Variants in KIAA1549L observed in about 807,000 individuals in gnomAD.
The protein encoded by KIAA1549L is KIAA1549 like, also known as UPF0606 protein KIAA1549L.
Under a neutral mutation model 160.7 loss-of-function variants are expected in KIAA1549L, and 88 were observed. That is an observed-to-expected ratio of 0.55 (90% CI 0.46 to 0.65). The LOEUF (loss-of-function observed/expected upper bound fraction) is 0.65, where lower values mean the gene tolerates loss of function less well. KIAA1549L is among the 30% of genes least tolerant of loss of function. KIAA1549L has a pLI of 0.00. For synonymous variants in KIAA1549L, 950 were observed against 976.7 expected, an observed-to-expected ratio of 0.97 and a Z score of 0.51; for missense variants, 2,258 against 2,437.5, an observed-to-expected ratio of 0.93 and a Z score of 1.55.
At chr11:33,405,320 G>A (rs1850622175) in intron 1 of KIAA1549L, among the ~76,000 whole-genome samples, 1 of 152,002 alleles carries the variant, frequency 6.6e-6, no homozygotes, top group African/African-American at 2.4e-5. Context: ...AACCAAATTA[G>A]GTTTGTGGGA....
chr11:33,614,570 A>C lies in KIAA1549L; in HGVS notation c.5280-3963A>C, dbSNP rs868246431. Among the ~76,000 whole-genome samples, 49 of 15,024 alleles carry C rather than the reference A, an allele frequency of 3.3e-3. 7 individuals carry two copies. Among genetic ancestry groups the C allele is most frequent in the African/African-American group, 0.028 (36 of 1,286 alleles). The allele number at this position is 15,024 out of a possible 152,430, so 9.9% of individuals were successfully genotyped here. A position where few individuals can be genotyped will look rare whatever the true frequency, so the allele number is the denominator to read the frequency against. On this transcript the variant is annotated intron_variant, in intron 15 of 20. Coordinates refer to ENST00000658780, the MANE Select transcript of KIAA1549L (RefSeq NM_012194.3). ...TATATATATATATATATATATATAT[A>C]TATATATATATATATTTTTTTTTTT...
intron 6 of KIAA1549L, among the ~76,000 whole-genome samples, chr11:33,554,880 CT>C (rs778144929): frequency 6.6e-6 from 1 of 152,160 alleles, no homozygotes; most frequent in East Asian, 1.9e-4. Flanking sequence ...TATAGGTCTT[CT>C]TAGCTAAATG....
At chr11:33,404,960 A>G (rs987532694) in intron 1 of KIAA1549L, among the ~76,000 whole-genome samples, 2 of 148,184 alleles carry the variant, frequency 1.3e-5, no homozygotes, top group African/African-American at 5.0e-5. Context: ...GTGAGCCAAG[A>G]TCGCACCACT....
chr11:33,534,747 T>G (rs1017405963), intron 1 of KIAA1549L, among the ~76,000 whole-genome samples: 4 of 152,208 alleles, frequency 2.6e-5, no homozygotes, highest in African/African-American at 9.7e-5. Flanking sequence ...TGACTCATTC[T>G]CTATGATGTT....
intron 11 of KIAA1549L, among the ~76,000 whole-genome samples, chr11:33,587,936 C>T (rs1430263247): frequency 6.6e-6 from 1 of 152,136 alleles, no homozygotes; most frequent in Non-Finnish European, 1.5e-5. Flanking sequence ...TAGGAAGCTG[C>T]AGAAGGAAAG....
intron 2 of KIAA1549L, 66 bp from the exon 3 acceptor site, chr11:33,544,701 A>C: frequency 6.6e-7 from 1 of 1,525,062 alleles, no homozygotes; most frequent in Non-Finnish European, 8.8e-7. Flanking sequence ...ACATCCATTC[A>C]TCATCAGAAC....
At chr11:33,635,786 C>T (rs1469530524) in intron 16 of KIAA1549L, among the ~76,000 whole-genome samples, 2 of 152,176 alleles carry the variant, frequency 1.3e-5, no homozygotes, top group Non-Finnish European at 2.9e-5. Flanking sequence ...TTTTAACACT[C>T]ATTTATTCAG....
At chr11:33,489,022 A>C (rs1236756140) in intron 1 of KIAA1549L, among the ~76,000 whole-genome samples, 3 of 152,232 alleles carry the variant, frequency 2.0e-5, no homozygotes, top group African/African-American at 7.2e-5. Flanking sequence ...TGTGAGGTAA[A>C]CTGTGAAAAA....
intron 1 of KIAA1549L, among the ~76,000 whole-genome samples, chr11:33,521,712 A>G (rs1246618137): frequency 2.6e-5 from 4 of 152,198 alleles, no homozygotes. Flanking sequence ...TTAGACAAGA[A>G]AGTTCTCTGG....
intron 1 of KIAA1549L, among the ~76,000 whole-genome samples, chr11:33,405,776 AG>A (rs1684470650): frequency 7.9e-6 from 1 of 126,906 alleles, no homozygotes; most frequent in African/African-American, 3.0e-5. Flanking sequence ...CAGGAGGTGG[AG>A]GTTGCAGTGA....
rs760266278 is a variant in KIAA1549L, at chr11:33,542,541, C to T, written c.978C>T (p.Ser326=). 1.5e-5 allele frequency: 24 copies of T among 1,613,880 alleles called. No homozygotes were observed. The highest frequency in any genetic ancestry group is 1.1e-4 in the South Asian group (10 of 91,086). The change falls in exon 2 of 21, where the codon TCC becomes TCT. Residue 326 remains serine (S), a synonymous_variant. Transcript: ENST00000658780. The stretch of plus-strand genomic sequence containing the variant: ...CTGGATCCTCAACAAAATGGCATTC[C>T]GAGCTGTCCCCAACAGAGGGTCCCC... The part of the protein sequence containing the change: ...GVSGSSTKWH[S]ELSPTEGPHS...
intron 1 of KIAA1549L, among the ~76,000 whole-genome samples, chr11:33,537,863 G>A (rs1324404027): frequency 6.6e-6 from 1 of 152,086 alleles, no homozygotes; most frequent in Non-Finnish European, 1.5e-5. Context: ...TTTGAATTTT[G>A]CATTCTACTC....
rs1341349880 is a variant in KIAA1549L at position 33,658,794 on chromosome 11, C to G, written c.5903C>G (p.Thr1968Arg). The G allele has an allele frequency of 3.8e-6, 6 of 1,568,918 alleles. No homozygotes were observed. Among genetic ancestry groups the G allele is most frequent in the Non-Finnish European group, 5.2e-6 (6 of 1,157,732 alleles). The stretch of plus-strand genomic sequence containing the variant: ...AGCAAGACCAGAATGGCCGAGTCTA[C>G]AGGGCCCGAGCCGGCCCAGCTGCAC... ...IGSKTRMAESTGPEPAQLHDS... is the reference protein window; with the variant it reads ...IGSKTRMAESRGPEPAQLHDS... Residue 1968 changes from threonine to arginine, a missense_variant, in exon 19 of 21, where the codon ACA becomes AGA. Transcript: ENST00000658780.
chr11:33,379,276 C>G (rs1371948683), intron 1 of KIAA1549L, among the ~76,000 whole-genome samples: 1 of 152,154 alleles, frequency 6.6e-6, no homozygotes, highest in Admixed American at 6.5e-5. Flanking sequence ...TGTTCCCAGT[C>G]TACTTCCACC....
At chr11:33,563,348 CAAAAAAAAAA>C (rs68027285) in intron 8 of KIAA1549L, among the ~76,000 whole-genome samples, 1 of 95,944 alleles carries the variant, frequency 1.0e-5, no homozygotes, top group African/African-American at 4.5e-5. Flanking sequence ...GACCGTGTCT[CAAAAAAAAAA>C]AAAAAAAAAA....
intron 1 of KIAA1549L, among the ~76,000 whole-genome samples, chr11:33,510,972 G>T (rs1025264784): frequency 9.2e-5 from 14 of 152,246 alleles, no homozygotes; most frequent in Admixed American, 1.3e-4. Flanking sequence ...CCCACTCAGG[G>T]AGGTCAGCAT....
chr11:33,478,159 T>A (rs2133041695), intron 1 of KIAA1549L, among the ~76,000 whole-genome samples: 1 of 152,338 alleles, frequency 6.6e-6, no homozygotes, highest in Admixed American at 6.5e-5. Context: ...TTGTCTTCTG[T>A]GGTATGCAGA....
rs1685818633 is a variant in KIAA1549L at position 33,669,654 on chromosome 11, A to C, written c.*1500A>C. ...AGTTTCTTTGGTCTTTACTGAAAGA[A>C]GATAGTAGAAATTTAAAAGTTGAGA... On this transcript the variant is annotated 3_prime_UTR_variant, in exon 21 of 21. Transcript: ENST00000658780. 1 of 152,234 alleles carries C rather than the reference A, an allele frequency of 6.6e-6. No homozygotes were observed. 9.4% of individuals were successfully genotyped at this position (152,234 alleles called of 1,614,324 possible).
At chr11:33,470,366 G>T (rs1415458720) in intron 1 of KIAA1549L, among the ~76,000 whole-genome samples, 2 of 152,042 alleles carry the variant, frequency 1.3e-5, no homozygotes. Flanking sequence ...CTATTACATT[G>T]ATCTCATATG....
Sources: gnomAD v4.1 joint callset for allele counts (sites outside exome capture counted in the v4.1 genomes callset) on GRCh38, gnomAD v4.1.1 for gene constraint, MANE v1.5 for transcripts, NCBI Gene and HGNC (gene_info 2026-07-23, HGNC 2026-07-21) for gene names.